Variants in MELK observed in about 807,000 individuals in gnomAD.
MELK encodes pEg3 kinase.
MELK carries 81 observed loss-of-function variants against 85.0 expected under a neutral mutation model. The observed-to-expected ratio is 0.95, with a 90% CI of 0.80 to 1.15. The LOEUF (loss-of-function observed/expected upper bound fraction) is 1.15, where lower values mean the gene tolerates loss of function less well. Among genes scored for constraint, MELK ranks in the 50% most tolerant of loss-of-function variants. The pLI, the probability that MELK is intolerant of heterozygous loss-of-function variation, is 0.00. For missense variants in MELK, 754 were observed against 777.5 expected, an observed-to-expected ratio of 0.97 and a Z score of 0.36; for synonymous variants, 252 against 265.0, an observed-to-expected ratio of 0.95 and a Z score of 0.48.
chr9:36,631,428 G>C (rs904279716), intron 9 of MELK, among the ~76,000 whole-genome samples: 4 of 151,834 alleles, frequency 2.6e-5, no homozygotes, highest in African/African-American at 9.7e-5. Context: ...ACCATTCCTG[G>C]CCAATTTTTG....
chr9:36,577,473 A>G (rs539773835), intron 1 of MELK, among the ~76,000 whole-genome samples: 1 of 152,076 alleles, frequency 6.6e-6, no homozygotes, highest in Non-Finnish European at 1.5e-5. Context: ...CTGAGATCGC[A>G]CTACTGCACT....
chr9:36,669,511 G>T, intron 15 of MELK, 105 bp downstream of exon 15: 2 of 801,086 alleles, frequency 2.5e-6, no homozygotes, highest in South Asian at 2.1e-5. Context: ...CATAGATTCT[G>T]TTGGAGAGTA....
At chr9:36,669,170 A>G in intron 14 of MELK, 140 bp from the exon 15 acceptor site, 1 of 443,896 alleles carries the variant, frequency 2.3e-6, no homozygotes, top group Non-Finnish European at 3.9e-6. Context: ...AAAGAATTAG[A>G]GCCTTCGACA....
chr9:36,576,609 G>A (rs933874964), intron 1 of MELK, among the ~76,000 whole-genome samples: 1 of 152,098 alleles, frequency 6.6e-6, no homozygotes, highest in Non-Finnish European at 1.5e-5. Context: ...GCGGGTCACT[G>A]CAACCTCCAC....
At chr9:36,667,603 T>G (rs1352268848) in intron 14 of MELK, among the ~76,000 whole-genome samples, 1 of 152,236 alleles carries the variant, frequency 6.6e-6, no homozygotes, top group African/African-American at 2.4e-5. Context: ...TTGACATATG[T>G]TGTCATGACG....
intron 1 of MELK, among the ~76,000 whole-genome samples, chr9:36,576,117 G>A (rs2134727378): frequency 6.6e-6 from 1 of 152,226 alleles, no homozygotes; most frequent in African/African-American, 2.4e-5. Flanking sequence ...TTAATCCTGT[G>A]CCTTCAGGTG....
At chr9:36,674,388 TTAAA>T (rs544917049) in intron 16 of MELK, among the ~76,000 whole-genome samples, 3 of 152,318 alleles carry the variant, frequency 2.0e-5, no homozygotes, top group Admixed American at 2.0e-4. Flanking sequence ...ATAATATTCT[TTAAA>T]TAATCCAGAA....
At chr9:36,634,999 C>T (rs1457858934) in intron 10 of MELK, among the ~76,000 whole-genome samples, 1 of 152,076 alleles carries the variant, frequency 6.6e-6, no homozygotes, top group African/African-American at 2.4e-5. Context: ...TTCAGTCATA[C>T]AGGTGCTTTT....
Position 36,677,438 on chromosome 9 carries a change from A to C in MELK, c.*101A>C, listed in dbSNP as rs1833444146. On this transcript the variant is annotated 3_prime_UTR_variant, in exon 18 of 18. Transcript: ENST00000298048. ...ATTTTAAAGTTCATTGGAACTACCAACTTGTTTCTAAAGAGCTATCTTAAG... is the reference window on the plus strand; with the variant it reads ...ATTTTAAAGTTCATTGGAACTACCACCTTGTTTCTAAAGAGCTATCTTAAG... 1.8e-6 allele frequency: 2 copies of C among 1,115,298 alleles called. No homozygotes were observed. The highest frequency in any genetic ancestry group is 2.1e-5 in the South Asian group (1 of 47,984). The allele number at this position is 1,115,298 out of a possible 1,614,324, so 69.1% of individuals were successfully genotyped here.
chr9:36,594,866 G>T, intron 5 of MELK, 95 bp downstream of exon 5: 10 of 1,356,264 alleles, frequency 7.4e-6, no homozygotes, highest in South Asian at 5.5e-5. Context: ...TCTATCTTTG[G>T]TTTGCTTTTT....
intron 16 of MELK, among the ~76,000 whole-genome samples, chr9:36,671,636 G>A (rs1832897040): frequency 6.6e-6 from 1 of 152,230 alleles, no homozygotes; most frequent in South Asian, 2.1e-4. Flanking sequence ...AGGGCCTCAA[G>A]GCCTGGCTAA....
intron 12 of MELK, among the ~76,000 whole-genome samples, chr9:36,655,998 A>G (rs545188161): frequency 7.9e-5 from 12 of 152,336 alleles, no homozygotes; most frequent in Admixed American, 2.6e-4. Context: ...TAGATTAACA[A>G]TATATCGAGG....
chr9:36,665,587 T>C lies in MELK; in HGVS notation c.1408+6T>C. ...TTACACTACACCCTCAAAAGGTATT[T>C]GCTAAGTGAATTAAGCAGTAAGAAG... On this transcript the variant is annotated splice_donor_region_variant and intron_variant, in intron 14 of 17. Coordinates refer to ENST00000298048, the MANE Select transcript of MELK (RefSeq NM_014791.4). 1 of 1,595,704 alleles carries C rather than the reference T, an allele frequency of 6.3e-7. No individual in the cohort carries two copies. Among genetic ancestry groups the C allele is most frequent in the Non-Finnish European group, 8.6e-7 (1 of 1,167,062 alleles).
intron 11 of MELK, among the ~76,000 whole-genome samples, chr9:36,645,878 G>T (rs1388514326): frequency 6.6e-6 from 1 of 152,128 alleles, no homozygotes; most frequent in Non-Finnish European, 1.5e-5. Flanking sequence ...AGACTCTCAG[G>T]CCTCACCTCA....
chr9:36,610,642 T>C (rs1825984180), intron 8 of MELK, among the ~76,000 whole-genome samples: 1 of 152,190 alleles, frequency 6.6e-6, no homozygotes, highest in Non-Finnish European at 1.5e-5. Flanking sequence ...TGGGTAGCAC[T>C]CGTTGCTTTG....
chr9:36,635,409 G>A (rs554688162), intron 10 of MELK, among the ~76,000 whole-genome samples: 93 of 151,926 alleles, frequency 6.1e-4, no homozygotes, highest in African/African-American at 2.1e-3. Context: ...GATTACAGCC[G>A]CCTGCTACAA....
At chr9:36,661,138 A>G (rs1054263239) in intron 13 of MELK, among the ~76,000 whole-genome samples, 4 of 152,180 alleles carry the variant, frequency 2.6e-5, no homozygotes, top group Admixed American at 6.5e-5. Flanking sequence ...AGCGGCTCCT[A>G]GGTTGCTGGT....
chr9:36,637,631 G>A (rs1247736643), intron 10 of MELK, among the ~76,000 whole-genome samples: 1 of 152,332 alleles, frequency 6.6e-6, no homozygotes, highest in Admixed American at 6.5e-5. Flanking sequence ...ACAGCTTAGA[G>A]GTGTGTCTCA....
intron 8 of MELK, among the ~76,000 whole-genome samples, chr9:36,615,485 C>G (rs1425091452): frequency 8.9e-6 from 1 of 112,892 alleles, no homozygotes; most frequent in East Asian, 2.8e-4. Flanking sequence ...GCTGGCCTGG[C>G]GGGGGCTGAC....
Sources: gnomAD v4.1 joint callset for allele counts (sites outside exome capture counted in the v4.1 genomes callset) on GRCh38, gnomAD v4.1.1 for gene constraint, MANE v1.5 for transcripts, NCBI Gene and HGNC (gene_info 2026-07-23, HGNC 2026-07-21) for gene names.